Variants in CTNNA2 observed in about 807,000 individuals in gnomAD.
The protein encoded by CTNNA2 is catenin alpha 2.
A neutral mutation model predicts 101.0 loss-of-function variants in CTNNA2; 42 were observed. That is an observed-to-expected ratio of 0.42 (90% CI 0.32 to 0.54). The LOEUF (loss-of-function observed/expected upper bound fraction) is 0.54. Among genes scored for constraint, CTNNA2 ranks in the 20% least tolerant of loss-of-function variants. The pLI, the probability that CTNNA2 is intolerant of heterozygous loss-of-function variation, is 0.14. For missense variants in CTNNA2, 871 were observed against 1,223.1 expected (o/e 0.71, Z 4.29); for synonymous variants, 450 against 456.4 (o/e 0.99, Z 0.18).
chr2:79,445,985 C>T (rs1678829065), intron 4 of CTNNA2, among the ~76,000 whole-genome samples: 2 of 151,958 alleles, frequency 1.3e-5, no homozygotes, highest in African/African-American at 4.8e-5. Context: ...AGGTGAAGTC[C>T]CGACATATGT....
chr2:80,645,632 A>T (rs915765626), intron 18 of CTNNA2, among the ~76,000 whole-genome samples: 1 of 152,108 alleles, frequency 6.6e-6, no homozygotes, highest in African/African-American at 2.4e-5. Flanking sequence ...TTCCCGGGTG[A>T]TGCTGATGCT....
chr2:80,631,929 A>T (rs887234325), intron 18 of CTNNA2, among the ~76,000 whole-genome samples: 1 of 152,050 alleles, frequency 6.6e-6, no homozygotes, highest in Admixed American at 6.6e-5. Context: ...TATAGGAGAG[A>T]TCTAATTGGT....
At chr2:79,863,094 TA>T (rs1487307165) in intron 4 of CTNNA2, among the ~76,000 whole-genome samples, 1 of 151,944 alleles carries the variant, frequency 6.6e-6, no homozygotes, top group Non-Finnish European at 1.5e-5. Flanking sequence ...GATCCTAGAC[TA>T]AAGATAGCAC....
intron 2 of CTNNA2, among the ~76,000 whole-genome samples, chr2:79,240,475 T>G (rs1674612929): frequency 1.3e-5 from 2 of 152,146 alleles, no homozygotes; most frequent in Non-Finnish European, 1.5e-5. Context: ...ATGAGGTATT[T>G]AGTTTTCTAT....
chr2:80,254,482 ACT>A (rs1158703720), intron 7 of CTNNA2, among the ~76,000 whole-genome samples: 1 of 152,062 alleles, frequency 6.6e-6, no homozygotes, highest in Admixed American at 6.6e-5. Context: ...TGGTTCAGGA[ACT>A]CTGCACAGGT....
At chr2:79,653,382 T>G (rs1370929235) in intron 2 of CTNNA2, among the ~76,000 whole-genome samples, 1 of 152,172 alleles carries the variant, frequency 6.6e-6, no homozygotes, top group Non-Finnish European at 1.5e-5. Flanking sequence ...GTTGTAGGAT[T>G]CTCAAGAACA....
chr2:79,388,160 G>T (rs191392406), intron 4 of CTNNA2, among the ~76,000 whole-genome samples: 17 of 152,258 alleles, frequency 1.1e-4, no homozygotes, highest in African/African-American at 2.4e-4. Context: ...CCAGTCCCAA[G>T]ACCTCAGTAG....
rs1299111113 is a variant in CTNNA2 at position 79,919,856 on chromosome 2, G to T, written c.1056+10059G>T. On this transcript the variant is annotated intron_variant, in intron 7 of 18. Coordinates refer to ENST00000402739, the MANE Select transcript of CTNNA2 (RefSeq NM_001282597.3). ...TTTTTCTTGATTCAGTTCGAAAATT[G>T]TTACACTCTAAGAACTGAGTGTTTC... 2.0e-5 allele frequency among the ~76,000 whole-genome samples: 3 copies of T among 152,232 alleles called. No homozygotes were observed. The East Asian group carries it at 5.8e-4, about 29-fold the overall frequency.
intron 1 of CTNNA2, among the ~76,000 whole-genome samples, chr2:79,545,954 A>G (rs555454441): frequency 6.6e-6 from 1 of 152,284 alleles, no homozygotes; most frequent in Non-Finnish European, 1.5e-5. Flanking sequence ...AAGTACTACT[A>G]TTATCTCAGT....
chr2:79,916,192 T>A (rs532394068), intron 7 of CTNNA2, among the ~76,000 whole-genome samples: 6 of 152,312 alleles, frequency 3.9e-5, no homozygotes, highest in African/African-American at 1.4e-4. Context: ...TAGAAAGTAA[T>A]GTTTGAAAAT....
chr2:80,159,294 CGTT>C (rs1434250843), intron 7 of CTNNA2, among the ~76,000 whole-genome samples: 12 of 152,270 alleles, frequency 7.9e-5, no homozygotes, highest in African/African-American at 2.9e-4. Context: ...TGCCACCACA[CGTT>C]GTTTAGTTTT....
intron 7 of CTNNA2, among the ~76,000 whole-genome samples, chr2:80,277,877 G>A (rs1010411754): frequency 6.6e-6 from 1 of 152,128 alleles, no homozygotes; most frequent in Non-Finnish European, 1.5e-5. Flanking sequence ...ACAGTTACTA[G>A]AAGAGTGAGA....
intron 9 of CTNNA2, among the ~76,000 whole-genome samples, chr2:80,477,669 T>A (rs2149494368): frequency 6.6e-6 from 1 of 152,094 alleles, no homozygotes; most frequent in South Asian, 2.1e-4. Flanking sequence ...CCACCCAAGT[T>A]TCTGCAAAAG....
In CTNNA2 at chr2:80,203,770, C is replaced by CT. The variant is rs1707358150; in HGVS notation, c.1057-189440dup. Among the ~76,000 whole-genome samples the CT allele has an allele frequency of 3.9e-5, 6 of 152,330 alleles. No individual in the cohort carries two copies. The South Asian group carries it at 1.2e-3, about 32-fold the overall frequency. On this transcript the variant is annotated intron_variant, in intron 7 of 18. Coordinates refer to ENST00000402739, the MANE Select transcript of CTNNA2 (RefSeq NM_001282597.3). The stretch of plus-strand genomic sequence containing the variant: ...ACTAGGTGGTGCCCCAGTAGGGACT[C>CT]TGTGTGGGGGCTCCAACTCCACATT...
intron 7 of CTNNA2, among the ~76,000 whole-genome samples, chr2:80,191,312 C>G (rs1706484967): frequency 6.6e-6 from 1 of 152,190 alleles, no homozygotes; most frequent in Non-Finnish European, 1.5e-5. Flanking sequence ...CCAACAAACC[C>G]CAGCATGAAT....
intron 1 of CTNNA2, among the ~76,000 whole-genome samples, chr2:79,560,090 A>T (rs1573345380): frequency 1.4e-5 from 2 of 147,542 alleles, no homozygotes; most frequent in African/African-American, 2.5e-5. Context: ...CGTCAGCTAC[A>T]TTTTTTTTTT....
intron 1 of CTNNA2, among the ~76,000 whole-genome samples, chr2:79,515,724 C>G (rs76872414): frequency 0.014 from 2,125 of 152,248 alleles, 41 homozygotes; most frequent in South Asian, 0.097. Context: ...AAGCAGCTTG[C>G]CTCCTTGACT....
chr2:80,069,705 CGT>C (rs145680191), intron 7 of CTNNA2, among the ~76,000 whole-genome samples: 21 of 151,386 alleles, frequency 1.4e-4, no homozygotes, highest in East Asian at 7.8e-4. Context: ...AATATATGTA[CGT>C]GTGTGTGTGT....
chr2:80,215,210 C>T (rs1056363077), intron 7 of CTNNA2, among the ~76,000 whole-genome samples: 14 of 152,104 alleles, frequency 9.2e-5, no homozygotes, highest in Non-Finnish European at 1.6e-4. Context: ...AGAACATCCT[C>T]CTTTAGTTCG....
Sources: allele counts gnomAD v4.1 joint callset (sites outside exome capture counted in the v4.1 genomes callset), GRCh38; gene constraint gnomAD v4.1.1; transcripts MANE v1.5; gene names NCBI Gene and HGNC (gene_info 2026-07-23, HGNC 2026-07-21).